GPC6: variants seen among roughly 807,000 people sequenced by gnomAD.
GPC6 encodes glypican-6.
GPC6 carries 14 observed loss-of-function variants against 55.2 expected under a neutral mutation model. The observed-to-expected ratio is 0.25, with a 90% CI of 0.17 to 0.40. The LOEUF (loss-of-function observed/expected upper bound fraction) is 0.40. Ranked by LOEUF, GPC6 falls within the 10% of genes least tolerant of loss-of-function variation. The pLI, the probability that GPC6 is intolerant of heterozygous loss-of-function variation, is 1.00. For missense variants in GPC6, 641 were observed against 708.5 expected, an observed-to-expected ratio of 0.90 and a Z score of 1.08; for synonymous variants, 278 against 259.6, an observed-to-expected ratio of 1.07 and a Z score of -0.68.
At chr13:94,253,850 G>A (rs911657199) in intron 4 of GPC6, among the ~76,000 whole-genome samples, 6 of 152,008 alleles carry the variant, frequency 3.9e-5, no homozygotes, top group Admixed American at 1.3e-4. Context: ...AGTAAATGAC[G>A]GAACACTTTA....
intron 6 of GPC6, among the ~76,000 whole-genome samples, chr13:94,314,145 G>C (rs1566664472): frequency 6.6e-6 from 1 of 152,188 alleles, no homozygotes; most frequent in Non-Finnish European, 1.5e-5. Context: ...AAGTCAGTTA[G>C]ACATGCTATG....
At chr13:93,221,447 A>C in the GPC6 span, among the ~76,000 whole-genome samples, 1 of 152,146 alleles carries the variant, frequency 6.6e-6, no homozygotes, top group Non-Finnish European at 1.5e-5. Context: ...TCTTAGAAGA[A>C]TATTGCAAGA....
In GPC6 at chr13:93,718,733, T is replaced by G. The variant is rs571010551; in HGVS notation, c.320-111421T>G. On this transcript the variant is annotated intron_variant, in intron 2 of 8. Coordinates refer to ENST00000377047, the MANE Select transcript of GPC6 (RefSeq NM_005708.5). ...AGGTTTTCTTCTAGGATTTTTATGG[T>G]TTTAGGTCTTACATTTAAGTCTTTA... Among the ~76,000 whole-genome samples, 55 of 152,286 alleles carry G rather than the reference T, an allele frequency of 3.6e-4. 1 individual carries two copies. The East Asian group carries it at 9.3e-3, about 26-fold the overall frequency.
At chr13:93,287,472 T>C (rs1186909561) in intron 1 of GPC6, among the ~76,000 whole-genome samples, 1 of 152,206 alleles carries the variant, frequency 6.6e-6, no homozygotes, top group Admixed American at 6.5e-5. Flanking sequence ...CATCCAGATC[T>C]TTCTTTACTC....
intron 3 of GPC6, among the ~76,000 whole-genome samples, chr13:93,869,732 AT>A (rs745480387): frequency 4.0e-5 from 6 of 151,798 alleles, no homozygotes; most frequent in Non-Finnish European, 8.8e-5. Flanking sequence ...TTTTCCTAGC[AT>A]GTTTCTTAAC....
At chr13:93,443,095 A>G (rs1007210943) in intron 1 of GPC6, among the ~76,000 whole-genome samples, 13 of 152,156 alleles carry the variant, frequency 8.5e-5, no homozygotes, top group African/African-American at 2.2e-4. Flanking sequence ...CCTATCTGCA[A>G]TCTTCTCAAA....
rs1239712585 is a variant in GPC6 at position 93,715,944 on chromosome 13, C to A, written c.320-114210C>A. The stretch of plus-strand genomic sequence containing the variant: ...ATTCTAGATATCATATACAGTCATG[C>A]ATTGAATAAGGATGTTTCAGTCAAT... On this transcript the variant is annotated intron_variant, in intron 2 of 8. Coordinates refer to ENST00000377047, the MANE Select transcript of GPC6 (RefSeq NM_005708.5). 1.8e-4 allele frequency among the ~76,000 whole-genome samples: 27 copies of A among 151,474 alleles called. 1 individual carries two copies. The Admixed American group carries it at 1.8e-3, about 10-fold the overall frequency.
intron 2 of GPC6, among the ~76,000 whole-genome samples, chr13:93,799,456 T>G (rs1886302450): frequency 6.6e-6 from 1 of 152,216 alleles, no homozygotes; most frequent in Non-Finnish European, 1.5e-5. Flanking sequence ...GGCTAGATAC[T>G]TCTGTTCTGA....
At chr13:93,936,373 G>C (rs1878433238) in intron 3 of GPC6, among the ~76,000 whole-genome samples, 1 of 151,998 alleles carries the variant, frequency 6.6e-6, no homozygotes, top group Non-Finnish European at 1.5e-5. Flanking sequence ...TTTCTTGGGG[G>C]AAGGGGAATG....
At chr13:93,816,287 A>T (rs923571105) in intron 2 of GPC6, among the ~76,000 whole-genome samples, 2 of 152,192 alleles carry the variant, frequency 1.3e-5, no homozygotes, top group African/African-American at 4.8e-5. Flanking sequence ...CCAAAACTGC[A>T]GATGATCATA....
chr13:93,666,295 A>C (rs1365895484), intron 2 of GPC6, among the ~76,000 whole-genome samples: 1 of 152,128 alleles, frequency 6.6e-6, no homozygotes, highest in Non-Finnish European at 1.5e-5. Context: ...TTTTCAATCT[A>C]ACAGTTTTGA....
chr13:93,528,056 C>G (rs1316222209), intron 1 of GPC6, among the ~76,000 whole-genome samples: 1 of 152,124 alleles, frequency 6.6e-6, no homozygotes, highest in Non-Finnish European at 1.5e-5. Flanking sequence ...GTCTTACAGG[C>G]AGTTCAATTT....
chr13:94,137,021 A>C (rs1887208168), intron 4 of GPC6, among the ~76,000 whole-genome samples: 1 of 152,222 alleles, frequency 6.6e-6, no homozygotes, highest in Admixed American at 6.5e-5. Flanking sequence ...GCAAAGGAGA[A>C]AAGACAAGAA....
At chr13:94,337,310 C>A (rs1877758724) in intron 6 of GPC6, among the ~76,000 whole-genome samples, 1 of 152,042 alleles carries the variant, frequency 6.6e-6, no homozygotes, top group African/African-American at 2.4e-5. Flanking sequence ...GAGGAAAGGG[C>A]CATCGTCAAA....
chr13:93,624,841 T>C (rs1325029116), intron 2 of GPC6, among the ~76,000 whole-genome samples: 1 of 152,170 alleles, frequency 6.6e-6, no homozygotes, highest in Non-Finnish European at 1.5e-5. Flanking sequence ...GATAAACCTA[T>C]TCATAAGAAA....
upstream of GPC6, among the ~76,000 whole-genome samples, chr13:93,225,067 T>G (rs1875723348): frequency 6.6e-6 from 1 of 152,212 alleles, no homozygotes; most frequent in Admixed American, 6.5e-5. Flanking sequence ...TATACTATGC[T>G]TTTACCCATT....
At chr13:93,949,529 C>T (rs947666816) in intron 3 of GPC6, among the ~76,000 whole-genome samples, 2 of 152,102 alleles carry the variant, frequency 1.3e-5, no homozygotes, top group African/African-American at 4.8e-5. Context: ...AACAGATCAA[C>T]AAAGCTGAAT....
intron 1 of GPC6, among the ~76,000 whole-genome samples, chr13:93,511,577 G>A (rs955359997): frequency 3.3e-5 from 5 of 151,892 alleles, no homozygotes; most frequent in Non-Finnish European, 5.9e-5. Flanking sequence ...GGCTACTTTA[G>A]CCTTGTAATA....
At chr13:93,495,781 C>A (rs949350400) in intron 1 of GPC6, among the ~76,000 whole-genome samples, 1 of 143,206 alleles carries the variant, frequency 7.0e-6, no homozygotes, top group Non-Finnish European at 1.5e-5. Context: ...GAATACCCTG[C>A]CGTGTGAGGT....
Sources: allele counts gnomAD v4.1 joint callset (sites outside exome capture counted in the v4.1 genomes callset), GRCh38; gene constraint gnomAD v4.1.1; transcripts MANE v1.5; gene names NCBI Gene and HGNC (gene_info 2026-07-23, HGNC 2026-07-21).